ARHGAP39: variants seen among roughly 807,000 people sequenced by gnomAD.
ARHGAP39 encodes the protein rho GTPase-activating protein 39.
Under a neutral mutation model 106.9 loss-of-function variants are expected in ARHGAP39, and 44 were observed. The ratio of observed to expected loss-of-function variants is 0.41; its 90% CI spans 0.32 to 0.53. The LOEUF (loss-of-function observed/expected upper bound fraction) is 0.53. Ranked by LOEUF, ARHGAP39 falls within the 20% of genes least tolerant of loss-of-function variation. The probability of loss-of-function intolerance (pLI) is 0.21; values close to 1 mark genes in which losing one functional copy is unlikely to be tolerated. For synonymous variants in ARHGAP39, 768 were observed against 693.2 expected, an observed-to-expected ratio of 1.11 and a Z score of -1.69; for missense variants, 1,496 against 1,577.3, an observed-to-expected ratio of 0.95 and a Z score of 0.87.
intron 2 of ARHGAP39, among the ~76,000 whole-genome samples, chr8:144,602,532 G>C (rs558752056): frequency 7.5e-6 from 1 of 132,566 alleles, no homozygotes; most frequent in Non-Finnish European, 1.6e-5. Flanking sequence ...GTGTGCTCGT[G>C]TACCTGTGTG....
At chr8:144,572,038 T>C (rs200393415) in intron 3 of ARHGAP39, among the ~76,000 whole-genome samples, 1 of 152,142 alleles carries the variant, frequency 6.6e-6, no homozygotes, top group Non-Finnish European at 1.5e-5. Flanking sequence ...TCAATATCAT[T>C]AAAATGGCCA....
At chr8:144,697,884 T>C in the ARHGAP39 span, among the ~76,000 whole-genome samples, 1 of 152,326 alleles carries the variant, frequency 6.6e-6, no homozygotes, top group Admixed American at 6.5e-5. Flanking sequence ...GGCCATGGCA[T>C]ATTATTTTTT....
At chr8:144,584,846 G>GTC (rs149608926) in intron 2 of ARHGAP39, among the ~76,000 whole-genome samples, 15,823 of 152,162 alleles carry the variant, frequency 0.1, 2,003 homozygotes, top group African/African-American at 0.3. Context: ...ATCCATCTCT[G>GTC]TCTGCCTGAG....
intron 1 of ARHGAP39, among the ~76,000 whole-genome samples, chr8:144,652,191 C>T (rs1264239859): frequency 2.6e-5 from 4 of 151,884 alleles, no homozygotes; most frequent in Non-Finnish European, 5.9e-5. Context: ...AGCACTCCAG[C>T]CTGGGCGACA....
intron 2 of ARHGAP39, among the ~76,000 whole-genome samples, chr8:144,582,250 G>A (rs527263310): frequency 3.3e-5 from 5 of 152,302 alleles, no homozygotes; most frequent in Non-Finnish European, 2.9e-5. Flanking sequence ...CCCCCCTGGC[G>A]GCCGGCGCAG....
At chr8:144,545,011 C>T (rs139832266) in intron 6 of ARHGAP39, among the ~76,000 whole-genome samples, 351 of 152,344 alleles carry the variant, frequency 2.3e-3, no homozygotes, top group African/African-American at 7.8e-3. Flanking sequence ...CCATTGAGGC[C>T]CCAAGCCCTC....
chr8:144,673,901 T>C (rs1822165296), intron 1 of ARHGAP39, among the ~76,000 whole-genome samples: 1 of 152,222 alleles, frequency 6.6e-6, no homozygotes, highest in South Asian at 2.1e-4. Flanking sequence ...AGGTGCCAGC[T>C]CTGTGCGAGG....
Position 144,646,622 on chromosome 8 carries a change from G to A in ARHGAP39, c.-82+39064C>T, listed in dbSNP as rs560391853. Among the ~76,000 whole-genome samples the A allele has an allele frequency of 1.4e-4, 21 of 152,142 alleles. No homozygotes were observed. The highest frequency in any genetic ancestry group is 2.4e-4 in the Non-Finnish European group (16 of 68,040). On this transcript the variant is annotated intron_variant, in intron 1 of 11. Transcript: ENST00000377307. The surrounding 1 kb of genome is among the most constrained non-coding windows in gnomAD (Gnocchi z 5.7). ...CCACCGCACAATGTTAGAGCTCTGC[G>A]CCTGGGCTACCTTCATTAAAAGTGA...
At chr8:144,658,877 G>A (rs765074096) in intron 1 of ARHGAP39, among the ~76,000 whole-genome samples, 2 of 151,994 alleles carry the variant, frequency 1.3e-5, no homozygotes, top group Non-Finnish European at 2.9e-5. Context: ...TAATATTGGG[G>A]TAAATATTAA....
At chr8:144,593,628 G>T (rs1258122111) in intron 2 of ARHGAP39, among the ~76,000 whole-genome samples, 1 of 151,980 alleles carries the variant, frequency 6.6e-6, no homozygotes, top group Non-Finnish European at 1.5e-5. Flanking sequence ...TGAAAACACA[G>T]CCACAGGATG....
chr8:144,601,574 GCA>G (rs1819950009), intron 2 of ARHGAP39, among the ~76,000 whole-genome samples: 3 of 142,950 alleles, frequency 2.1e-5, no homozygotes, highest in Middle Eastern at 4.2e-3. Flanking sequence ...GTACCTGTGT[GCA>G]TGTGCGTGGA....
chr8:144,633,694 C>A (rs1821118784), intron 1 of ARHGAP39, among the ~76,000 whole-genome samples: 1 of 152,162 alleles, frequency 6.6e-6, no homozygotes, highest in Admixed American at 6.5e-5. Flanking sequence ...TTGGGCCCCA[C>A]TGAATTTTAA....
intron 1 of ARHGAP39, among the ~76,000 whole-genome samples, chr8:144,609,245 T>C (rs11989982): frequency 0.026 from 4,036 of 152,310 alleles, 174 homozygotes; most frequent in African/African-American, 0.093. Flanking sequence ...GAATGGATGT[T>C]GGATTTTGTA....
intron 3 of ARHGAP39, among the ~76,000 whole-genome samples, chr8:144,574,886 G>A (rs1361047233): frequency 6.6e-6 from 1 of 152,096 alleles, no homozygotes; most frequent in Non-Finnish European, 1.5e-5. Flanking sequence ...GATGTGTTCT[G>A]AGAAACACGT....
intron 1 of ARHGAP39, among the ~76,000 whole-genome samples, chr8:144,633,124 A>G (rs1821102572): frequency 6.6e-6 from 1 of 150,476 alleles, no homozygotes; most frequent in Non-Finnish European, 1.5e-5. Flanking sequence ...CCTGGGTGAC[A>G]CAGCAAGACC....
At chr8:144,673,454 G>A (rs1346185046) in intron 1 of ARHGAP39, among the ~76,000 whole-genome samples, 1 of 152,192 alleles carries the variant, frequency 6.6e-6, no homozygotes, top group African/African-American at 2.4e-5. Flanking sequence ...GTTATTTTTA[G>A]TATATTCACA....
At chr8:144,663,625 C>T (rs1313159235) in intron 1 of ARHGAP39, among the ~76,000 whole-genome samples, 3 of 152,170 alleles carry the variant, frequency 2.0e-5, no homozygotes, top group Admixed American at 6.5e-5. Context: ...CAGGAGGCTC[C>T]ACGCTCAGCC....
chr8:144,633,512 A>C (rs572022151), intron 1 of ARHGAP39, among the ~76,000 whole-genome samples: 1 of 152,218 alleles, frequency 6.6e-6, no homozygotes, highest in East Asian at 1.9e-4. Flanking sequence ...AGTCGGCAAA[A>C]AAAGAAAAGA....
intron 6 of ARHGAP39, among the ~76,000 whole-genome samples, chr8:144,539,925 A>C (rs992406796): frequency 6.6e-6 from 1 of 152,060 alleles, no homozygotes; most frequent in Non-Finnish European, 1.5e-5. Context: ...TTTCTAAAAC[A>C]AAAAAAAGTG....
Sources: gnomAD v4.1 joint callset for allele counts (sites outside exome capture counted in the v4.1 genomes callset) on GRCh38, gnomAD v4.1.1 for gene constraint, Gnocchi (gnomAD v3.1) non-coding constraint, MANE v1.5 for transcripts, NCBI Gene and HGNC (gene_info 2026-07-23, HGNC 2026-07-21) for gene names.